UROS: variants seen among roughly 807,000 people sequenced by gnomAD.
UROS encodes the protein uroporphyrinogen III synthase, also known as uroporphyrinogen-III synthase.
UROS carries 18 observed loss-of-function variants against 33.0 expected under a neutral mutation model. The observed-to-expected ratio is 0.55, with a 90% CI of 0.38 to 0.81. The LOEUF (loss-of-function observed/expected upper bound fraction) is 0.81, where lower values mean the gene tolerates loss of function less well. Ranked by LOEUF, UROS falls within the 30% of genes least tolerant of loss-of-function variation. UROS has a pLI of 0.00. For missense variants in UROS, 293 were observed against 314.9 expected (o/e 0.93, Z 0.53); for synonymous variants, 114 against 121.1 (o/e 0.94, Z 0.38).
At chr10:125,817,980 T>C (rs1853499832) in intron 1 of UROS, among the ~76,000 whole-genome samples, 2 of 152,172 alleles carry the variant, frequency 1.3e-5, no homozygotes, top group African/African-American at 4.8e-5. Flanking sequence ...AGAGAAAATA[T>C]TTCTCCTGGG....
intron 5 of UROS, among the ~76,000 whole-genome samples, chr10:125,807,911 G>A (rs563832227): frequency 6.6e-6 from 1 of 152,222 alleles, no homozygotes; most frequent in Non-Finnish European, 1.5e-5. Flanking sequence ...CGGCATTACA[G>A]AGCCTTCATT....
intron 4 of UROS, among the ~76,000 whole-genome samples, chr10:125,814,312 C>T (rs73379300): frequency 0.011 from 1,694 of 152,286 alleles, 33 homozygotes; most frequent in African/African-American, 0.038. Flanking sequence ...CCGCTGCCTC[C>T]GCTCATCAGT....
intron 6 of UROS, among the ~76,000 whole-genome samples, chr10:125,803,457 C>T (rs1852014080): frequency 6.6e-6 from 1 of 152,236 alleles, no homozygotes; most frequent in Admixed American, 6.5e-5. Context: ...ACCCCAGGCC[C>T]TGCTCTTAGA....
intron 1 of UROS, among the ~76,000 whole-genome samples, chr10:125,818,657 T>C (rs1489816267): frequency 6.6e-6 from 1 of 152,076 alleles, no homozygotes; most frequent in Admixed American, 6.5e-5. Flanking sequence ...GGAAGAGGCT[T>C]GGTGGAGTAG....
chr10:125,810,335 C>T (rs547417035), intron 5 of UROS, among the ~76,000 whole-genome samples: 10 of 152,230 alleles, frequency 6.6e-5, no homozygotes, highest in African/African-American at 1.9e-4. Context: ...CGACAGGGGA[C>T]GCCAGCTGCC....
At chr10:125,795,575 T>C (rs1369024502) in intron 8 of UROS, among the ~76,000 whole-genome samples, 4 of 152,106 alleles carry the variant, frequency 2.6e-5, no homozygotes. Flanking sequence ...ACTCCCAAAT[T>C]CAATCCAGAC....
At chr10:125,791,091 C>CAAAAAAAAAAAA (rs146112441) in intron 9 of UROS, among the ~76,000 whole-genome samples, 1 of 130,834 alleles carries the variant, frequency 7.6e-6, no homozygotes, top group Non-Finnish European at 1.7e-5. Context: ...GACACCATCT[C>CAAAAAAAAAAAA]AAAAAAAAAA....
At chr10:125,804,024 C>T (rs1350988185) in intron 6 of UROS, among the ~76,000 whole-genome samples, 2 of 152,250 alleles carry the variant, frequency 1.3e-5, no homozygotes, top group African/African-American at 4.8e-5. Context: ...CACAGAGCTT[C>T]TGAAACTCTT....
chr10:125,794,981 G>T lies in UROS; in HGVS notation c.562-3C>A. ...AATGTGATGCTGGCTGGAACCCCCT[G>T]TGGGGAACAGAAAACAAGATCAGTC... On this transcript the variant is annotated splice_polypyrimidine_tract_variant and splice_region_variant and intron_variant, in intron 8 of 9. Coordinates refer to ENST00000368797, the MANE Select transcript of UROS (RefSeq NM_000375.3). 6.2e-7 allele frequency: 1 copy of T among 1,612,542 alleles called. No individual in the cohort carries two copies. The highest frequency in any genetic ancestry group is 8.5e-7 in the Non-Finnish European group (1 of 1,178,526).
chr10:125,794,452 G>A, intron 9 of UROS: 5 of 752,636 alleles, frequency 6.6e-6, no homozygotes, highest in Non-Finnish European at 6.7e-6. Context: ...CCTAGTAAGT[G>A]AGAATGTAAA....
rs1223122206 is a variant in UROS, at chr10:125,816,178, T to TTC, written c.144_145dup (p.Lys49ArgfsTer40). 6.2e-7 allele frequency: 1 copy of TTC among 1,614,104 alleles called. No homozygotes were observed. Among genetic ancestry groups the TTC allele is most frequent in the South Asian group, 1.1e-5 (1 of 91,080 alleles). ...GTGCTCAGTCACAACAGGCCTTACCTTCTCAGAGAAACTGGGAAGAGACAA... is the reference window on the plus strand; with the variant it reads ...GTGCTCAGTCACAACAGGCCTTACCTTCTCTCAGAGAAACTGGGAAGAGACAA... On this transcript the variant is annotated frameshift_variant and splice_region_variant, in exon 3 of 10. Transcript: ENST00000368797. LOFTEE classifies it high-confidence loss of function.
At chr10:125,811,815 C>T (rs1053767046) in intron 5 of UROS, among the ~76,000 whole-genome samples, 1 of 143,798 alleles carries the variant, frequency 7.0e-6, no homozygotes, top group African/African-American at 2.6e-5. Context: ...CAAAAAAAAA[C>T]AACTATGATA....
chr10:125,819,587 C>G (rs1341606654), intron 1 of UROS, among the ~76,000 whole-genome samples: 1 of 152,086 alleles, frequency 6.6e-6, no homozygotes, highest in African/African-American at 2.4e-5. Context: ...CTGCTCTCTG[C>G]CAGTTGATTT....
chr10:125,790,520 A>G (rs977959927), intron 9 of UROS, among the ~76,000 whole-genome samples: 2 of 152,206 alleles, frequency 1.3e-5, no homozygotes, highest in Non-Finnish European at 2.9e-5. Flanking sequence ...AAAAGTTTGT[A>G]TTTAGAGGCC....
At chr10:125,813,632 C>A (rs1396466035) in intron 4 of UROS, among the ~76,000 whole-genome samples, 1 of 152,160 alleles carries the variant, frequency 6.6e-6, no homozygotes, top group African/African-American at 2.4e-5. Flanking sequence ...CATGTGCCAC[C>A]ACGCCCAGCT....
downstream of UROS, chr10:125,785,690 G>A (rs956079301): frequency 1.3e-5 from 2 of 152,230 alleles, no homozygotes; most frequent in African/African-American, 4.8e-5. Context: ...GCTGTGGCCG[G>A]AAGGTCCAGA....
intron 9 of UROS, chr10:125,794,209 G>T: frequency 2.5e-6 from 1 of 403,550 alleles, no homozygotes. Context: ...TCTGAGCCCC[G>T]TGCTCCATCT....
At position 125,798,090 on chromosome 10, in the gene UROS, G is replaced by A; in HGVS notation, c.450C>T (p.Ile150=). Residue 150 remains isoleucine (I), a synonymous_variant, in exon 7 of 10, where the codon ATC becomes ATT. Transcript: ENST00000368797. ...CTTTGTCCTTGAGCGCTTTTGGCAG[G>A]ATTTCTCTTTTGAGGTTTCCACAGG... ...LFPCGNLKRE[I]LPKALKDKGI... is the part of the protein sequence containing the mutation. 6.2e-7 allele frequency: 1 copy of A among 1,614,072 alleles called. No individual in the cohort carries two copies. The highest frequency in any genetic ancestry group is 8.5e-7 in the Non-Finnish European group (1 of 1,179,914).
rs183304588 is a variant in UROS, at chr10:125,820,369, C to T, written c.-27+2660G>A. Among the ~76,000 whole-genome samples the T allele has an allele frequency of 2.0e-5, 3 of 152,250 alleles. No homozygotes were observed. In the East Asian group the frequency reaches 5.8e-4, roughly 29 times the overall value. On this transcript the variant is annotated intron_variant, in intron 1 of 9. Transcript: ENST00000368797. The stretch of plus-strand genomic sequence containing the variant: ...AGGAGCACCAAGGGCAGAAGATATC[C>T]CAGATCAAGCATGCAGGAGGAGACA...
Sources: allele counts gnomAD v4.1 joint callset (sites outside exome capture counted in the v4.1 genomes callset), GRCh38; gene constraint gnomAD v4.1.1; transcripts MANE v1.5; gene names NCBI Gene and HGNC (gene_info 2026-07-23, HGNC 2026-07-21).